TMEM25: variants seen among roughly 807,000 people sequenced by gnomAD.
TMEM25 encodes the protein 0610039J01Rik.
Under a neutral mutation model 37.0 loss-of-function variants are expected in TMEM25, and 36 were observed. That is an observed-to-expected ratio of 0.97 (90% confidence interval 0.75 to 1.28). TMEM25 has a LOEUF of 1.28. TMEM25 is among the 50% of genes most tolerant of loss of function. The probability of loss-of-function intolerance (pLI) is 0.00; values close to 1 mark genes in which losing one functional copy is unlikely to be tolerated. For synonymous variants in TMEM25, 197 were observed against 203.7 expected (o/e 0.97, Z 0.28); for missense variants, 444 against 477.9 (o/e 0.93, Z 0.66).
In TMEM25 at chr11:118,531,887, G is replaced by T; in HGVS notation, c.70+16G>T. On this transcript the variant is annotated intron_variant, in intron 2 of 8. Transcript: ENST00000313236. ...CTGAGCTCAGGTACACCCCTGTTCAGTCGTTGACCAAGTCCTTCTGGGTTC... is the reference window on the plus strand; with the variant it reads ...CTGAGCTCAGGTACACCCCTGTTCATTCGTTGACCAAGTCCTTCTGGGTTC... 1.3e-6 allele frequency: 2 copies of T among 1,551,388 alleles called. No homozygotes were observed. Among genetic ancestry groups the T allele is most frequent in the Middle Eastern group, 1.7e-4 (1 of 5,992 alleles).
rs1555060880 is a variant in TMEM25 at position 118,533,443 on chromosome 11, G to T, written c.697G>T (p.Val233Leu). The T allele has an allele frequency of 6.2e-7, 1 of 1,614,062 alleles. No individual in the cohort carries two copies. The highest frequency in any genetic ancestry group is 8.5e-7 in the Non-Finnish European group (1 of 1,180,018). Residue 233 changes from valine to leucine, a missense_variant, in exon 5 of 9, where the codon GTG (valine) becomes TTG (leucine). By Grantham distance (32) the Val-to-Leu change is conservative (BLOSUM62 1). Coordinates refer to ENST00000313236, the MANE Select transcript of TMEM25 (RefSeq NM_032780.4). ...APGLLATRVE[V>L]PLLGIVVAAG... ...AGGGCTTCTGGCTACCCGGGTGGAA[G>T]TGCCACTGCTGGGCATTGTTGTGGC...
intron 8 of TMEM25, among the ~76,000 whole-genome samples, chr11:118,543,087 A>G (rs1437256108): frequency 5.3e-5 from 8 of 151,034 alleles, no homozygotes; most frequent in African/African-American, 1.7e-4. Context: ...TGAAAATACA[A>G]AACAAATTAG....
At chr11:118,541,337 C>T (rs1951575611) in intron 8 of TMEM25, among the ~76,000 whole-genome samples, 1 of 151,842 alleles carries the variant, frequency 6.6e-6, no homozygotes, top group Non-Finnish European at 1.5e-5. Flanking sequence ...TGGTGGGCAC[C>T]TGTAGTCCTA....
At chr11:118,538,625 G>C (rs1247897036), downstream of TMEM25, among the ~76,000 whole-genome samples, 3 of 151,926 alleles carry the variant, frequency 2.0e-5, no homozygotes, top group East Asian at 5.8e-4. Flanking sequence ...AGGCATGGTG[G>C]TTCACACCTG....
intron 8 of TMEM25, chr11:118,545,544 T>C: frequency 6.9e-7 from 1 of 1,457,494 alleles, no homozygotes; most frequent in Middle Eastern, 1.7e-4. Context: ...ACTCCGGGAA[T>C]TAGAGGCCCT....
Position 118,544,995 on chromosome 11 carries a change from G to C in TMEM25, c.1028-1124G>C, listed in dbSNP as rs1951641287. 6.2e-7 allele frequency: 1 copy of C among 1,612,260 alleles called. No homozygotes were observed. Among genetic ancestry groups the C allele is most frequent in the Non-Finnish European group, 8.5e-7 (1 of 1,178,794 alleles). On this transcript the variant is annotated intron_variant, in intron 8 of 8. Transcript: ENST00000354284. ...AGGAGTGAATGCTTTCTTGCCTTCAGCGAGAGCTTTAAAATGCTGCAAGGA... is the reference window on the plus strand; with the variant it reads ...AGGAGTGAATGCTTTCTTGCCTTCACCGAGAGCTTTAAAATGCTGCAAGGA...
intron 8 of TMEM25, among the ~76,000 whole-genome samples, chr11:118,543,002 G>T (rs570795379): frequency 2.6e-4 from 40 of 152,324 alleles, no homozygotes; most frequent in African/African-American, 9.4e-4. Context: ...AGCACTTTGG[G>T]AGGCTGAGGC....
At chr11:118,541,574 A>T (rs1405723997) in intron 8 of TMEM25, among the ~76,000 whole-genome samples, 24 of 152,060 alleles carry the variant, frequency 1.6e-4, no homozygotes, top group Non-Finnish European at 2.4e-4. Flanking sequence ...TTAAAAACAA[A>T]TTTTTTAAAA....
chr11:118,543,252 CATG>C (rs1951604370), intron 8 of TMEM25, among the ~76,000 whole-genome samples: 1 of 152,166 alleles, frequency 6.6e-6, no homozygotes, highest in African/African-American at 2.4e-5. Flanking sequence ...TAAACTCAAG[CATG>C]ATGATCATAG....
At chr11:118,545,998 T>A in intron 8 of TMEM25, 1 of 729,180 alleles carries the variant, frequency 1.4e-6, no homozygotes, top group Non-Finnish European at 2.5e-6. Flanking sequence ...GATATTGAGT[T>A]CCTAACTCCC....
Position 118,535,600 on chromosome 11 carries a change from G to T in TMEM25, c.*1020G>T, listed in dbSNP as rs550957892. 3 of 1,531,722 alleles carry T rather than the reference G, an allele frequency of 2.0e-6. No homozygotes were observed. The highest frequency in any genetic ancestry group is 2.8e-5 in the African/African-American group (2 of 72,320). 94.9% of individuals were successfully genotyped at this position (1,531,722 alleles called of 1,614,324 possible). A position where few individuals can be genotyped will look rare whatever the true frequency, so the allele number is the denominator to read the frequency against. On this transcript the variant is annotated 3_prime_UTR_variant, in exon 9 of 9. Coordinates refer to ENST00000313236, the MANE Select transcript of TMEM25 (RefSeq NM_032780.4). ...CCTTCCTGGAGGATGGTCGCCACAGGCACATAATTCAACAGTGTGGAAGCT... is the reference window on the plus strand; with the variant it reads ...CCTTCCTGGAGGATGGTCGCCACAGTCACATAATTCAACAGTGTGGAAGCT...
chr11:118,540,732 AAC>A (rs1303069380), downstream of TMEM25, among the ~76,000 whole-genome samples: 1 of 152,208 alleles, frequency 6.6e-6, no homozygotes, highest in Non-Finnish European at 1.5e-5. Context: ...ATGAAAGCCA[AAC>A]ACTCTTTTTT....
downstream of TMEM25, among the ~76,000 whole-genome samples, chr11:118,537,722 T>C (rs572416179): frequency 6.6e-5 from 10 of 152,300 alleles, no homozygotes; most frequent in African/African-American, 2.4e-4. Context: ...GGAAGTAGGA[T>C]TGCTGGATTG....
downstream of TMEM25, among the ~76,000 whole-genome samples, chr11:118,536,728 C>T (rs1292283930): frequency 6.6e-6 from 1 of 152,220 alleles, no homozygotes; most frequent in African/African-American, 2.4e-5. Flanking sequence ...CTTCCCACCT[C>T]AGGACTGGGC....
At chr11:118,536,525 C>G (rs1481712389), downstream of TMEM25, among the ~76,000 whole-genome samples, 2 of 152,180 alleles carry the variant, frequency 1.3e-5, no homozygotes, top group Non-Finnish European at 2.9e-5. Flanking sequence ...GTTTTCCAGT[C>G]TCACAGTGGA....
At chr11:118,539,164 ATT>A (rs1160816224), downstream of TMEM25, among the ~76,000 whole-genome samples, 5 of 100,576 alleles carry the variant, frequency 5.0e-5, no homozygotes, top group African/African-American at 1.2e-4. Flanking sequence ...TTGGTCATAA[ATT>A]TTTTTTTTTT....
downstream of TMEM25, among the ~76,000 whole-genome samples, chr11:118,539,212 G>C (rs1951547873): frequency 7.7e-6 from 1 of 129,328 alleles, no homozygotes; most frequent in South Asian, 2.6e-4. Flanking sequence ...TCTGTTGCCA[G>C]GCTGGAATGC....
chr11:118,544,254 G>T (rs782760204), intron 8 of TMEM25, among the ~76,000 whole-genome samples: 1 of 152,106 alleles, frequency 6.6e-6, no homozygotes, highest in African/African-American at 2.4e-5. Flanking sequence ...CAATAGCTAC[G>T]CTCCCTGAGA....
At chr11:118,531,458 T>G in intron 1 of TMEM25, 1 of 460,928 alleles carries the variant, frequency 2.2e-6, no homozygotes, top group Non-Finnish European at 3.9e-6. Context: ...GCGCGTGGAG[T>G]ATGTGTGTGA....
Sources: gnomAD v4.1 joint callset for allele counts (sites outside exome capture counted in the v4.1 genomes callset) on GRCh38, gnomAD v4.1.1 for gene constraint, MANE v1.5 for transcripts, NCBI Gene and HGNC (gene_info 2026-07-23, HGNC 2026-07-21) for gene names.